SGCD: variants seen among roughly 807,000 people sequenced by gnomAD.
SGCD encodes the protein delta-sarcoglycan.
In SGCD, 18 loss-of-function variants were observed where a neutral mutation model predicts 36.6. The observed-to-expected ratio is 0.49, with a 90% CI of 0.34 to 0.73. The LOEUF is 0.73. Among genes scored for constraint, SGCD ranks in the 30% least tolerant of loss-of-function variants. SGCD has a pLI of 0.01. For synonymous variants in SGCD, 133 were observed against 130.6 expected (o/e 1.02, Z -0.12); for missense variants, 387 against 346.7 (o/e 1.12, Z -0.92).
rs76997108 is a variant in SGCD at position 156,176,384 on chromosome 5, A to G, written c.-44+52365A>G. On this transcript the variant is annotated intron_variant, in intron 3 of 9. Transcript: ENST00000517913. ...TATGAAGAATGGGAAAAAATAGGTT[A>G]GGAATATCTCTAAGGAAAACCTTAT... Among the ~76,000 whole-genome samples the G allele has an allele frequency of 4.1e-3, 630 of 152,314 alleles. 4 individuals carry two copies. The highest frequency in any genetic ancestry group is 0.015 in the African/African-American group (607 of 41,566).
At chr5:156,448,505 T>A (rs1403371889) in intron 3 of SGCD, among the ~76,000 whole-genome samples, 1 of 152,080 alleles carries the variant, frequency 6.6e-6, no homozygotes, top group Non-Finnish European at 1.5e-5. Flanking sequence ...GCTTTGGCAA[T>A]CCCATCTTTT....
At chr5:155,859,664 C>G in the SGCD span, among the ~76,000 whole-genome samples, 1 of 152,140 alleles carries the variant, frequency 6.6e-6, no homozygotes, top group Non-Finnish European at 1.5e-5. Flanking sequence ...TTCATCCATG[C>G]TGTCATCAAC....
the SGCD span, among the ~76,000 whole-genome samples, chr5:155,735,348 G>T: frequency 4.6e-5 from 7 of 152,186 alleles, no homozygotes; most frequent in East Asian, 1.3e-3. Context: ...GATTTTATCT[G>T]TACATCTAAT....
intron 3 of SGCD, among the ~76,000 whole-genome samples, chr5:156,264,243 C>T (rs924711125): frequency 6.6e-6 from 1 of 152,040 alleles, no homozygotes; most frequent in Non-Finnish European, 1.5e-5. Flanking sequence ...ACCTTCAAGT[C>T]CCAAAGAGGC....
the SGCD span, among the ~76,000 whole-genome samples, chr5:155,812,794 T>G: frequency 1.3e-5 from 2 of 152,192 alleles, no homozygotes; most frequent in Admixed American, 1.3e-4. Flanking sequence ...CTTTTTCAAC[T>G]GGTTCTCCCA....
At chr5:155,732,080 G>A in the SGCD span, among the ~76,000 whole-genome samples, 1 of 152,136 alleles carries the variant, frequency 6.6e-6, no homozygotes, top group Non-Finnish European at 1.5e-5. Flanking sequence ...GTAGTTCCAG[G>A]GGAAGGCAGA....
At chr5:155,779,334 A>G in the SGCD span, among the ~76,000 whole-genome samples, 150 of 152,160 alleles carry the variant, frequency 9.9e-4, no homozygotes, top group South Asian at 2.3e-3. Flanking sequence ...TCTGCTTGGA[A>G]GGCTGAGGTG....
intron 1 of SGCD, among the ~76,000 whole-genome samples, chr5:155,905,469 C>A (rs2113345670): frequency 6.6e-6 from 1 of 152,208 alleles, no homozygotes; most frequent in Middle Eastern, 3.4e-3. Flanking sequence ...AACCTGATGA[C>A]CTGAAAGGGA....
intron 3 of SGCD, among the ~76,000 whole-genome samples, chr5:156,464,216 ATTT>A (rs773294916): frequency 4.3e-5 from 5 of 116,284 alleles, no homozygotes; most frequent in Non-Finnish European, 6.9e-5. Flanking sequence ...GAATCTACAT[ATTT>A]TTTTTTTTTT....
the SGCD span, among the ~76,000 whole-genome samples, chr5:155,775,665 C>T: frequency 6.6e-6 from 1 of 151,988 alleles, no homozygotes; most frequent in South Asian, 2.1e-4. Context: ...TAGAAATAAG[C>T]AAACAGGGTG....
intron 4 of SGCD, among the ~76,000 whole-genome samples, chr5:156,518,029 TAA>T (rs1021548432): frequency 6.6e-6 from 1 of 152,126 alleles, no homozygotes; most frequent in Non-Finnish European, 1.5e-5. Context: ...TTGCCCCAAT[TAA>T]AAGACACAGA....
At chr5:156,631,435 C>T (rs1433225532) in intron 6 of SGCD, among the ~76,000 whole-genome samples, 1 of 149,808 alleles carries the variant, frequency 6.7e-6, no homozygotes, top group Non-Finnish European at 1.5e-5. Context: ...CTAAAAAGCT[C>T]TGCAGATACG....
At chr5:155,753,930 C>A in the SGCD span, among the ~76,000 whole-genome samples, 1 of 152,030 alleles carries the variant, frequency 6.6e-6, no homozygotes, top group African/African-American at 2.4e-5. Flanking sequence ...TGTTTTTAGG[C>A]AGAGTTCCCA....
chr5:156,232,319 C>T (rs1194268492), intron 3 of SGCD, among the ~76,000 whole-genome samples: 3 of 152,148 alleles, frequency 2.0e-5, no homozygotes, highest in Non-Finnish European at 2.9e-5. Flanking sequence ...GCTTGGGCAC[C>T]TCCAATATCT....
chr5:156,521,009 T>C (rs1581111587), intron 4 of SGCD, among the ~76,000 whole-genome samples: 1 of 99,224 alleles, frequency 1.0e-5, no homozygotes, highest in Admixed American at 1.5e-4. Flanking sequence ...AGAGCGAGAC[T>C]CCGTCTCAAA....
chr5:156,227,589 T>C (rs1764890902), intron 3 of SGCD, among the ~76,000 whole-genome samples: 1 of 151,710 alleles, frequency 6.6e-6, no homozygotes. Flanking sequence ...TGTGGGCTCT[T>C]TTTTTTTGGT....
At chr5:156,758,823 GT>G (rs1757436579) in intron 8 of SGCD, among the ~76,000 whole-genome samples, 1 of 151,358 alleles carries the variant, frequency 6.6e-6, no homozygotes, top group Non-Finnish European at 1.5e-5. Context: ...GCATTTAAAA[GT>G]TGGAAAATGT....
intron 1 of SGCD, among the ~76,000 whole-genome samples, chr5:155,880,996 A>G (rs538732390): frequency 4.6e-5 from 7 of 152,130 alleles, no homozygotes; most frequent in African/African-American, 1.4e-4. Context: ...ATATTGTGAG[A>G]TTTAAAAAAT....
the SGCD span, among the ~76,000 whole-genome samples, chr5:155,779,565 C>T: frequency 6.6e-6 from 1 of 152,288 alleles, no homozygotes; most frequent in East Asian, 1.9e-4. Context: ...TGTTTTCTCA[C>T]TATTTTCATC....
Sources: gnomAD v4.1 joint callset for allele counts (sites outside exome capture counted in the v4.1 genomes callset) on GRCh38, gnomAD v4.1.1 for gene constraint, MANE v1.5 for transcripts, NCBI Gene and HGNC (gene_info 2026-07-23, HGNC 2026-07-21) for gene names.